The following MAGI1 variants were observed in gnomAD, a reference collection of about 807,000 sequenced individuals.
The protein encoded by MAGI1 is membrane-associated guanylate kinase, WW and PDZ domain-containing protein 1.
A neutral mutation model predicts 139.9 loss-of-function variants in MAGI1; 58 were observed. That is an observed-to-expected ratio of 0.41 (90% CI 0.34 to 0.52). The LOEUF (loss-of-function observed/expected upper bound fraction) is 0.52. MAGI1 is among the 20% of genes least tolerant of loss of function. MAGI1 has a pLI of 0.12. For missense variants in MAGI1, 1,874 were observed against 1,901.6 expected (o/e 0.99, Z 0.27); for synonymous variants, 812 against 737.9 (o/e 1.10, Z -1.63).
At chr3:65,605,855 A>G (rs566025404) in intron 2 of MAGI1, among the ~76,000 whole-genome samples, 1 of 152,168 alleles carries the variant, frequency 6.6e-6, no homozygotes, top group Non-Finnish European at 1.5e-5. Context: ...TACAGAATCA[A>G]ACTCTGAAAT....
At chr3:65,610,078 C>A (rs762424331) in intron 2 of MAGI1, 1 of 65,036 alleles carries the variant, frequency 1.5e-5, no homozygotes, top group East Asian at 2.8e-4. Context: ...TTTTTTTTTA[C>A]CTACTCCATG....
At chr3:65,448,345 T>A in intron 6 of MAGI1, 1 of 525,020 alleles carries the variant, frequency 1.9e-6, no homozygotes, top group Non-Finnish European at 3.4e-6. Context: ...ACCTTTGCGG[T>A]TTCAATGTTC....
Position 65,410,566 on chromosome 3 carries a change from A to G in MAGI1, c.2168-9096T>C, listed in dbSNP as rs1945715865. The stretch of plus-strand genomic sequence containing the variant: ...CAAATGCATTTACAGAAAATTTTTA[A>G]TATAGCTTTATGAAATACATGGACC... On this transcript the variant is annotated intron_variant, in intron 12 of 22. Transcript: ENST00000402939. Among the ~76,000 whole-genome samples the G allele has an allele frequency of 4.6e-5, 7 of 152,352 alleles. No individual in the cohort carries two copies. In the South Asian group the frequency reaches 1.5e-3, roughly 32 times the overall value.
chr3:65,710,082 G>C (rs927582213), intron 1 of MAGI1, among the ~76,000 whole-genome samples: 6 of 152,070 alleles, frequency 3.9e-5, no homozygotes, highest in Non-Finnish European at 7.4e-5. Context: ...TGTTGTTAGA[G>C]AAAGTATGTT....
intron 1 of MAGI1, among the ~76,000 whole-genome samples, chr3:65,814,407 T>C (rs1559908726): frequency 6.6e-6 from 1 of 152,182 alleles, no homozygotes; most frequent in Non-Finnish European, 1.5e-5. Flanking sequence ...CATTTACCAG[T>C]ATTTATTCCT....
chr3:65,773,503 A>G (rs1047244492), intron 1 of MAGI1, among the ~76,000 whole-genome samples: 1 of 152,236 alleles, frequency 6.6e-6, no homozygotes, highest in East Asian at 1.9e-4. Flanking sequence ...ACTGCACTCC[A>G]GCCTATGCAA....
rs368112467 is a variant in MAGI1, at chr3:65,882,407, G to A, written c.313+155589C>T. 1.3e-3 allele frequency among the ~76,000 whole-genome samples: 194 copies of A among 152,310 alleles called. 2 individuals are homozygous for A. Among genetic ancestry groups the A allele is most frequent in the African/African-American group, 4.4e-3 (184 of 41,566 alleles). ...CAATCTCTTCTGTTCACCTCTGGGTGAATAGTTTTTATATCACTCAGTTCC... is the reference window on the plus strand; with the variant it reads ...CAATCTCTTCTGTTCACCTCTGGGTAAATAGTTTTTATATCACTCAGTTCC... On this transcript the variant is annotated intron_variant, in intron 1 of 22. Coordinates refer to ENST00000402939, the MANE Select transcript of MAGI1 (RefSeq NM_001033057.2).
chr3:65,783,159 T>TA (rs56958950), intron 1 of MAGI1, among the ~76,000 whole-genome samples: 6,738 of 150,252 alleles, frequency 0.045, 280 homozygotes, highest in African/African-American at 0.11. Flanking sequence ...CAGAATGTAT[T>TA]AAAAAAAAAC....
At chr3:65,795,802 G>T (rs1340573956) in intron 1 of MAGI1, among the ~76,000 whole-genome samples, 1 of 151,782 alleles carries the variant, frequency 6.6e-6, no homozygotes, top group East Asian at 2.0e-4. Context: ...TGTAATCCCA[G>T]CACTTTGGGA....
At chr3:65,805,404 GTCAGAATGGCAATTAT>G (rs1407247217) in intron 1 of MAGI1, among the ~76,000 whole-genome samples, 2 of 152,200 alleles carry the variant, frequency 1.3e-5, no homozygotes, top group Non-Finnish European at 2.9e-5. Context: ...TCTTATGCCA[GTCAGAATGGCAATTAT>G]TAAAAAGTCA....
rs144706271 is a variant in MAGI1, at chr3:65,538,421, A to G, written c.431-44790T>C. 2.5e-3 allele frequency among the ~76,000 whole-genome samples: 384 copies of G among 152,314 alleles called. 4 individuals are homozygous for G. Among genetic ancestry groups the G allele is most frequent in the African/African-American group, 7.2e-3 (301 of 41,576 alleles). On this transcript the variant is annotated intron_variant, in intron 2 of 22. Coordinates refer to ENST00000402939, the MANE Select transcript of MAGI1 (RefSeq NM_001033057.2). Reference sequence around the variant, plus strand: ...GTGGTGATAAAAAACACTGATCTCTATCTACCTCCTTCTCTGTCATCCAAA... The same window carrying G: ...GTGGTGATAAAAAACACTGATCTCTGTCTACCTCCTTCTCTGTCATCCAAA...
chr3:65,719,386 AT>A (rs2032722274), intron 1 of MAGI1, among the ~76,000 whole-genome samples: 1 of 151,812 alleles, frequency 6.6e-6, no homozygotes, highest in Non-Finnish European at 1.5e-5. Flanking sequence ...ATGTATATAT[AT>A]TTTAAATTAA....
chr3:65,738,568 C>T (rs1038319640), intron 1 of MAGI1, among the ~76,000 whole-genome samples: 1 of 152,138 alleles, frequency 6.6e-6, no homozygotes, highest in African/African-American at 2.4e-5. Context: ...TCACTATCTA[C>T]GGCAGCTATA....
intron 1 of MAGI1, among the ~76,000 whole-genome samples, chr3:65,819,433 T>C (rs1031847636): frequency 6.6e-6 from 1 of 152,168 alleles, no homozygotes; most frequent in Non-Finnish European, 1.5e-5. Flanking sequence ...ACCCTCACAT[T>C]GGTCATCCTA....
chr3:65,713,973 T>C (rs2031864593), intron 1 of MAGI1, among the ~76,000 whole-genome samples: 2 of 152,100 alleles, frequency 1.3e-5, no homozygotes, highest in Admixed American at 1.3e-4. Flanking sequence ...GAAGGGGACA[T>C]ACGAAAAGCT....
At chr3:65,947,099 T>C (rs942437057) in intron 1 of MAGI1, among the ~76,000 whole-genome samples, 2 of 152,188 alleles carry the variant, frequency 1.3e-5, no homozygotes, top group Non-Finnish European at 2.9e-5. Context: ...GAATAACTTA[T>C]AAACAAATAA....
intron 1 of MAGI1, among the ~76,000 whole-genome samples, chr3:65,641,339 C>T (rs1049637552): frequency 6.6e-6 from 1 of 152,180 alleles, no homozygotes; most frequent in Non-Finnish European, 1.5e-5. Flanking sequence ...ACACTGAAAT[C>T]ACCTGGGGCA....
At chr3:65,656,016 A>G (rs1290042709) in intron 1 of MAGI1, among the ~76,000 whole-genome samples, 1 of 152,180 alleles carries the variant, frequency 6.6e-6, no homozygotes, top group Non-Finnish European at 1.5e-5. Flanking sequence ...CTTGTGTCAG[A>G]CATTAGTGCT....
chr3:65,435,882 TCA>T lies in MAGI1; in HGVS notation c.1363+1271_1363+1272del, dbSNP rs562558519. ...GCCTCTGCAAAGGCTCAGAAGCGGT[TCA>T]CAGTTTTGCTGGTTAAAAGAACTGA... On this transcript the variant is annotated intron_variant, in intron 10 of 22. Transcript: ENST00000402939. Among the ~76,000 whole-genome samples the T allele has an allele frequency of 9.2e-5, 14 of 152,242 alleles. No individual in the cohort carries two copies. The South Asian group carries it at 2.9e-3, about 32-fold the overall frequency.
Sources: gnomAD v4.1 joint callset for allele counts (sites outside exome capture counted in the v4.1 genomes callset) on GRCh38, gnomAD v4.1.1 for gene constraint, MANE v1.5 for transcripts, NCBI Gene and HGNC (gene_info 2026-07-23, HGNC 2026-07-21) for gene names.